Variants in OSBPL1A observed in about 807,000 individuals in gnomAD.
OSBPL1A encodes oxysterol binding protein like 1A.
In OSBPL1A, 80 loss-of-function variants were observed where a neutral mutation model predicts 137.1. The ratio of observed to expected loss-of-function variants is 0.58; its 90% CI spans 0.49 to 0.70. The LOEUF is 0.70. Among genes scored for constraint, OSBPL1A ranks in the 30% least tolerant of loss-of-function variants. OSBPL1A has a pLI of 0.00. For missense variants in OSBPL1A, 970 were observed against 1,129.4 expected, an observed-to-expected ratio of 0.86 and a Z score of 2.02; for synonymous variants, 365 against 389.7, an observed-to-expected ratio of 0.94 and a Z score of 0.75.
intron 1 of OSBPL1A, among the ~76,000 whole-genome samples, chr18:24,391,502 A>T (rs894049480): frequency 2.0e-5 from 3 of 150,956 alleles, no homozygotes; most frequent in Non-Finnish European, 3.0e-5. Flanking sequence ...GCAGGAGGAT[A>T]GCCTGAGACC....
chr18:24,183,727 T>G (rs932384863), intron 18 of OSBPL1A, among the ~76,000 whole-genome samples: 6 of 152,182 alleles, frequency 3.9e-5, no homozygotes, highest in Non-Finnish European at 8.8e-5. Context: ...TGAGCCACCG[T>G]GCCCAGCCCA....
Position 24,225,027 on chromosome 18 carries a change from C to A in OSBPL1A, c.1601+15G>T. 6.2e-7 allele frequency: 1 copy of A among 1,613,872 alleles called. No homozygotes were observed. The highest frequency in any genetic ancestry group is 1.1e-5 in the South Asian group (1 of 91,040). ...GTAAAAACGCAGCAGTGACAACTGT[C>A]AGAGGCGATCCTACCTGTGTTTCTT... On this transcript the variant is annotated intron_variant, in intron 17 of 27. Coordinates refer to ENST00000319481, the MANE Select transcript of OSBPL1A (RefSeq NM_080597.4).
chr18:24,387,082 A>C (rs140823366), intron 1 of OSBPL1A, among the ~76,000 whole-genome samples: 1 of 152,110 alleles, frequency 6.6e-6, no homozygotes, highest in Admixed American at 6.6e-5. Flanking sequence ...AAATACATAT[A>C]TAGATATTTC....
At position 24,381,012 on chromosome 18, in the gene OSBPL1A, G is replaced by C. The variant is rs150721965; in HGVS notation, c.-2-3477C>G. Among the ~76,000 whole-genome samples the C allele has an allele frequency of 4.5e-3, 686 of 151,834 alleles. 4 individuals are homozygous for C. Among genetic ancestry groups the C allele is most frequent in the Non-Finnish European group, 7.6e-3 (513 of 67,932 alleles). Reference sequence around the variant, plus strand: ...GTAAAAAGCTCTTATAAACTCTGCAGGAAGCCAAACCCAGGCTCAGGCTGT... The same window carrying C: ...GTAAAAAGCTCTTATAAACTCTGCACGAAGCCAAACCCAGGCTCAGGCTGT... On this transcript the variant is annotated intron_variant, in intron 1 of 27. Coordinates refer to ENST00000319481, the MANE Select transcript of OSBPL1A (RefSeq NM_080597.4).
intron 15 of OSBPL1A, among the ~76,000 whole-genome samples, chr18:24,254,978 G>GA (rs1467283947): frequency 1.3e-4 from 20 of 152,068 alleles, no homozygotes; most frequent in African/African-American, 4.6e-4. Flanking sequence ...AAAAACGGGG[G>GA]AAAACCTAAA....
intron 15 of OSBPL1A, chr18:24,272,271 A>G (rs1381098591): frequency 2.3e-6 from 2 of 884,682 alleles, no homozygotes; most frequent in Admixed American, 1.5e-4. Context: ...TTTTTTTTTT[A>G]ACCAACCCGC....
At chr18:24,372,803 C>T (rs558587287) in intron 2 of OSBPL1A, among the ~76,000 whole-genome samples, 1 of 152,292 alleles carries the variant, frequency 6.6e-6, no homozygotes, top group East Asian at 1.9e-4. Context: ...GCAGCTCACA[C>T]CTGTAATCCC....
rs760269661 is a variant in OSBPL1A, at chr18:24,280,956, GA to G, written c.1175-9del. On this transcript the variant is annotated splice_polypyrimidine_tract_variant and intron_variant, in intron 14 of 27. Transcript: ENST00000319481. ...GAAATGATGGAAGCATTTCTATAAAGAAAAAAATAAATACAGTGAGTCGGAT... is the reference window on the plus strand; with the variant it reads ...GAAATGATGGAAGCATTTCTATAAAGAAAAAATAAATACAGTGAGTCGGAT... 1.7e-5 allele frequency: 27 copies of G among 1,564,976 alleles called. No homozygotes were observed. The East Asian group carries it at 5.6e-4, about 33-fold the overall frequency.
intron 15 of OSBPL1A, among the ~76,000 whole-genome samples, chr18:24,264,155 C>G (rs536462930): frequency 2.0e-5 from 3 of 152,220 alleles, no homozygotes; most frequent in African/African-American, 7.2e-5. Flanking sequence ...GAAGCCTACA[C>G]AGAAACTGTG....
In OSBPL1A at chr18:24,163,248, T is replaced by C; in HGVS notation, c.2784A>G (p.Gly928=). 1 of 1,613,366 alleles carries C rather than the reference T, an allele frequency of 6.2e-7. No individual in the cohort carries two copies. ...WFHQGPNPYN[G]AQDWIYSGSY... is the part of the protein sequence containing the mutation. ...TGCCAGAGTAAATCCAGTCCTGTGC[T>C]CCATTGTAGGGATTAGGACCTTGAT... is the stretch of plus-strand genomic sequence containing the variant. The change falls in exon 28 of 28, where the codon GGA becomes GGG. Residue 928 remains glycine, a synonymous_variant. Transcript: ENST00000319481.
intron 15 of OSBPL1A, 54 bp downstream of exon 15, chr18:24,280,788 C>A: frequency 8.1e-7 from 1 of 1,235,522 alleles, no homozygotes; most frequent in Non-Finnish European, 1.1e-6. Context: ...CATGGACAAC[C>A]ACGCATGCAA....
At position 24,181,171 on chromosome 18, in the gene OSBPL1A, G is replaced by A; in HGVS notation, c.1786C>T (p.Leu596Phe). 6.2e-7 allele frequency: 1 copy of A among 1,614,124 alleles called. No individual in the cohort carries two copies. The highest frequency in any genetic ancestry group is 1.1e-5 in the South Asian group (1 of 91,046). Reference protein sequence around the residue: ...HTYLIHKASSLSDPVERMQCV... With the variant: ...HTYLIHKASSFSDPVERMQCV... ...TGCATCCTTTCCACAGGATCAGAGA[G>A]TGAACTGGCCTTGTGGATGAGGTAA... The change falls in exon 19 of 28, where the codon CTC (leucine) becomes TTC (phenylalanine). Residue 596 changes from leucine (L) to phenylalanine (F), a missense_variant. By Grantham distance (22) the Leu-to-Phe change is conservative. Transcript: ENST00000319481.
intron 4 of OSBPL1A, among the ~76,000 whole-genome samples, chr18:24,359,988 A>G (rs2091597188): frequency 6.6e-6 from 1 of 152,154 alleles, no homozygotes; most frequent in Non-Finnish European, 1.5e-5. Context: ...TTTGTTTGAG[A>G]CAGAGTTTCG....
At chr18:24,338,790 T>C (rs1679986066) in intron 5 of OSBPL1A, among the ~76,000 whole-genome samples, 1 of 152,196 alleles carries the variant, frequency 6.6e-6, no homozygotes, top group Admixed American at 6.5e-5. Context: ...CTCGGCTCAC[T>C]GCAACCTCCA....
intron 15 of OSBPL1A, among the ~76,000 whole-genome samples, chr18:24,258,969 C>A (rs2089368062): frequency 7.8e-6 from 1 of 128,354 alleles, no homozygotes; most frequent in Non-Finnish European, 1.6e-5. Flanking sequence ...GACGGAGTCT[C>A]GCTCTGTCGC....
chr18:24,295,614 T>G (rs539298141), intron 14 of OSBPL1A, among the ~76,000 whole-genome samples: 1 of 152,344 alleles, frequency 6.6e-6, no homozygotes, highest in South Asian at 2.1e-4. Context: ...GTTTCATTCT[T>G]ATACATGTGG....
At chr18:24,258,191 A>C (rs905629959) in intron 15 of OSBPL1A, among the ~76,000 whole-genome samples, 5 of 152,206 alleles carry the variant, frequency 3.3e-5, no homozygotes, top group Admixed American at 2.6e-4. Context: ...GGCACTGTTC[A>C]CAATAGCCAA....
chr18:24,216,385 C>G (rs1567951760), intron 17 of OSBPL1A, among the ~76,000 whole-genome samples: 1 of 152,130 alleles, frequency 6.6e-6, no homozygotes, highest in South Asian at 2.1e-4. Flanking sequence ...CGTGTGCCTG[C>G]AGTCCCAGCT....
intron 7 of OSBPL1A, among the ~76,000 whole-genome samples, chr18:24,330,281 T>C (rs566896565): frequency 6.6e-6 from 1 of 152,260 alleles, no homozygotes; most frequent in East Asian, 1.9e-4. Context: ...ATTTCACCTA[T>C]ACCTGACTTG....
Sources: gnomAD v4.1 joint callset for allele counts (sites outside exome capture counted in the v4.1 genomes callset) on GRCh38, gnomAD v4.1.1 for gene constraint, MANE v1.5 for transcripts, NCBI Gene and HGNC (gene_info 2026-07-23, HGNC 2026-07-21) for gene names.